Variants in CSMD1 observed in about 807,000 individuals in gnomAD.
CSMD1 encodes the protein CUB and Sushi multiple domains 1, also known as CUB and sushi domain-containing protein 1.
CSMD1 carries 213 observed loss-of-function variants against 417.5 expected under a neutral mutation model. The ratio of observed to expected loss-of-function variants is 0.51; its 90% CI spans 0.46 to 0.57. The LOEUF (loss-of-function observed/expected upper bound fraction) is 0.57, where lower values mean the gene tolerates loss of function less well. Ranked by LOEUF, CSMD1 falls within the 20% of genes least tolerant of loss-of-function variation. CSMD1 has a pLI of 0.00. For missense variants in CSMD1, 6,923 were observed against 4,529.7 expected, an observed-to-expected ratio of 1.53 and a Z score of -15.17; for synonymous variants, 2,862 against 1,736.8, an observed-to-expected ratio of 1.65 and a Z score of -16.11.
intron 3 of CSMD1, among the ~76,000 whole-genome samples, chr8:4,355,437 GT>G (rs1801372574): frequency 6.6e-6 from 1 of 151,968 alleles, no homozygotes. Context: ...TTCTTTATGT[GT>G]TTGCATGTAG....
At chr8:3,249,440 C>A (rs1434160601) in intron 26 of CSMD1, among the ~76,000 whole-genome samples, 1 of 152,036 alleles carries the variant, frequency 6.6e-6, no homozygotes, top group Non-Finnish European at 1.5e-5. Flanking sequence ...GCCAGGCTGG[C>A]CTTGAACTCC....
chr8:3,239,361 G>T (rs1324445617), intron 26 of CSMD1, among the ~76,000 whole-genome samples: 1 of 147,978 alleles, frequency 6.8e-6, no homozygotes, highest in Non-Finnish European at 1.5e-5. Flanking sequence ...GAAATGACAA[G>T]GCTAAACTGA....
intron 54 of CSMD1, among the ~76,000 whole-genome samples, chr8:2,987,203 A>C (rs1382820197): frequency 6.6e-6 from 1 of 151,986 alleles, no homozygotes. Flanking sequence ...AGGCAAGTTA[A>C]CTCTCTGAGC....
intron 5 of CSMD1, among the ~76,000 whole-genome samples, chr8:3,760,476 T>C (rs1321685095): frequency 2.0e-5 from 3 of 152,228 alleles, no homozygotes; most frequent in African/African-American, 4.8e-5. Context: ...CCATACATTT[T>C]AGGATTCTAT....
At chr8:3,579,805 C>G (rs1049629543) in intron 9 of CSMD1, among the ~76,000 whole-genome samples, 7 of 152,172 alleles carry the variant, frequency 4.6e-5, no homozygotes, top group Admixed American at 3.3e-4. Context: ...TACTACATGG[C>G]CTGACATATC....
At chr8:4,932,803 T>C (rs1388741884) in intron 1 of CSMD1, among the ~76,000 whole-genome samples, 6 of 152,240 alleles carry the variant, frequency 3.9e-5, no homozygotes, top group Non-Finnish European at 8.8e-5. Flanking sequence ...AATAGAGTTT[T>C]ACCCCTTCCC....
chr8:3,895,524 G>A (rs190850918), intron 5 of CSMD1, among the ~76,000 whole-genome samples: 4 of 151,932 alleles, frequency 2.6e-5, no homozygotes, highest in Admixed American at 2.6e-4. Context: ...CTATCCTTAG[G>A]GAATAAATAT....
intron 5 of CSMD1, among the ~76,000 whole-genome samples, chr8:3,812,930 T>C (rs1228294056): frequency 6.6e-6 from 1 of 152,286 alleles, no homozygotes; most frequent in East Asian, 1.9e-4. Flanking sequence ...TCCTCTTTGA[T>C]AACGTCAGGT....
intron 1 of CSMD1, among the ~76,000 whole-genome samples, chr8:4,738,337 C>T (rs1481839221): frequency 2.0e-5 from 3 of 152,072 alleles, no homozygotes; most frequent in African/African-American, 4.8e-5. Context: ...TCAGCATGGG[C>T]GAAGAGGCCT....
intron 3 of CSMD1, among the ~76,000 whole-genome samples, chr8:4,292,196 T>C (rs1797408324): frequency 6.6e-6 from 1 of 152,126 alleles, no homozygotes; most frequent in Non-Finnish European, 1.5e-5. Flanking sequence ...GACTTATTTA[T>C]TTGTATATGC....
chr8:4,487,386 G>T (rs2693789), intron 2 of CSMD1, among the ~76,000 whole-genome samples: 3 of 151,962 alleles, frequency 2.0e-5, no homozygotes, highest in Admixed American at 6.5e-5. Flanking sequence ...TCATTGTTCA[G>T]TTCCCATCTA....
intron 1 of CSMD1, among the ~76,000 whole-genome samples, chr8:4,987,298 CA>C (rs1335519803): frequency 3.3e-5 from 5 of 152,100 alleles, no homozygotes; most frequent in African/African-American, 1.2e-4. Flanking sequence ...ATAGAGTGTT[CA>C]AAAACTGTGT....
chr8:4,609,892 C>T (rs1482231373), intron 2 of CSMD1, among the ~76,000 whole-genome samples: 5 of 152,042 alleles, frequency 3.3e-5, no homozygotes, highest in African/African-American at 1.2e-4. Flanking sequence ...AGGATATTTT[C>T]AAAAAGAAGG....
intron 3 of CSMD1, among the ~76,000 whole-genome samples, chr8:4,063,999 G>C (rs994967761): frequency 2.6e-5 from 4 of 152,182 alleles, no homozygotes; most frequent in African/African-American, 9.7e-5. Flanking sequence ...GGGGAAATGA[G>C]TGTACCTAAA....
At chr8:4,564,567 T>C (rs938980997) in intron 2 of CSMD1, among the ~76,000 whole-genome samples, 1 of 152,196 alleles carries the variant, frequency 6.6e-6, no homozygotes, top group Non-Finnish European at 1.5e-5. Context: ...TAAGCATAAA[T>C]ACTGATAATC....
chr8:3,613,347 T>C, intron 8 of CSMD1: 1 of 398,022 alleles, frequency 2.5e-6, no homozygotes, highest in South Asian at 1.9e-5. Flanking sequence ...CAATGAAATA[T>C]TAACAATTAT....
chr8:4,276,302 G>A (rs551708209), intron 3 of CSMD1, among the ~76,000 whole-genome samples: 1 of 152,122 alleles, frequency 6.6e-6, no homozygotes, highest in Non-Finnish European at 1.5e-5. Context: ...CCATAAAAAA[G>A]GATCAGTTAA....
chr8:4,577,045 C>T (rs1353378949), intron 2 of CSMD1, among the ~76,000 whole-genome samples: 1 of 152,032 alleles, frequency 6.6e-6, no homozygotes, highest in Non-Finnish European at 1.5e-5. Flanking sequence ...TTTAATATTG[C>T]TTTGATTACG....
intron 3 of CSMD1, among the ~76,000 whole-genome samples, chr8:4,285,926 C>A (rs758476220): frequency 1.1e-4 from 16 of 152,070 alleles, no homozygotes; most frequent in Non-Finnish European, 2.2e-4. Flanking sequence ...CTGCACAAAC[C>A]TTTTAAGTGG....
Sources: allele counts gnomAD v4.1 joint callset (sites outside exome capture counted in the v4.1 genomes callset), GRCh38; gene constraint gnomAD v4.1.1; transcripts MANE v1.5; gene names NCBI Gene and HGNC (gene_info 2026-07-23, HGNC 2026-07-21).